The following SV2C variants were observed in gnomAD, a reference collection of about 807,000 sequenced individuals.
SV2C encodes solute carrier family 22 member B3.
SV2C carries 49 observed loss-of-function variants against 79.7 expected under a neutral mutation model. The ratio of observed to expected loss-of-function variants is 0.61; its 90% CI spans 0.49 to 0.78. The LOEUF is 0.78. SV2C is among the 30% of genes least tolerant of loss of function. The pLI, the probability that SV2C is intolerant of heterozygous loss-of-function variation, is 0.00. For synonymous variants in SV2C, 334 were observed against 333.2 expected (o/e 1.00, Z -0.03); for missense variants, 833 against 912.9 (o/e 0.91, Z 1.13).
At chr5:76,193,855 T>C (rs1744182947) in intron 2 of SV2C, among the ~76,000 whole-genome samples, 1 of 152,230 alleles carries the variant, frequency 6.6e-6, no homozygotes, top group South Asian at 2.1e-4. Flanking sequence ...AATACTCACT[T>C]TGCAGGACTG....
chr5:76,073,492 T>C, the SV2C span, among the ~76,000 whole-genome samples: 4 of 118,562 alleles, frequency 3.4e-5, no homozygotes, highest in East Asian at 7.1e-4. Context: ...AAATGTGGTA[T>C]GTATGTGTGT....
the SV2C span, among the ~76,000 whole-genome samples, chr5:75,914,942 G>A: frequency 6.6e-6 from 1 of 152,214 alleles, no homozygotes; most frequent in Non-Finnish European, 1.5e-5. Context: ...AATCATGGCA[G>A]AAGGTGAAAG....
chr5:76,048,813 G>GA, the SV2C span, among the ~76,000 whole-genome samples: 51 of 122,784 alleles, frequency 4.2e-4, no homozygotes, highest in Admixed American at 1.6e-3. Flanking sequence ...TCCAGATTGT[G>GA]AAAAAAAAAA....
chr5:75,921,577 G>C, the SV2C span: 1 of 957,200 alleles, frequency 1.0e-6, no homozygotes, highest in Non-Finnish European at 1.7e-6. Flanking sequence ...TGCGGCCCGT[G>C]AAGTTCCTGT....
At chr5:75,908,999 A>T in the SV2C span, among the ~76,000 whole-genome samples, 3 of 152,222 alleles carry the variant, frequency 2.0e-5, no homozygotes, top group African/African-American at 7.2e-5. Flanking sequence ...TGACATATTA[A>T]CCCATTTAAT....
the SV2C span, among the ~76,000 whole-genome samples, chr5:75,931,000 G>A: frequency 6.6e-6 from 1 of 152,146 alleles, no homozygotes; most frequent in African/African-American, 2.4e-5. Context: ...CAGGCACGGT[G>A]GCACATGCCT....
At chr5:76,339,783 G>A (rs901306710) in intron 12 of SV2C, among the ~76,000 whole-genome samples, 1 of 151,990 alleles carries the variant, frequency 6.6e-6, no homozygotes, top group African/African-American at 2.4e-5. Flanking sequence ...CTGTGCTGAA[G>A]ACACAGGCCA....
rs376408847 is a variant in SV2C at position 76,285,864 on chromosome 5, C to T, written c.1131C>T (p.Val377=). The T allele has an allele frequency of 3.7e-6, 6 of 1,613,588 alleles. No homozygotes were observed. In the African/African-American group the frequency reaches 8.0e-5, roughly 22 times the overall value. Residue 377 remains valine, a synonymous_variant, in exon 6 of 13, where the codon GTC becomes GTT. Transcript: ENST00000502798. The part of the protein sequence containing the change: ...NMRARGQPEK[V]FTVNKIKTPK... Reference sequence around the variant, plus strand: ...GAGCCCGGGGTCAGCCTGAGAAGGTCTTCACGGTGAGTCTTCTCCCCAGAG... The same window carrying T: ...GAGCCCGGGGTCAGCCTGAGAAGGTTTTCACGGTGAGTCTTCTCCCCAGAG...
chr5:76,127,136 A>C (rs112754299), intron 1 of SV2C, among the ~76,000 whole-genome samples: 6,716 of 152,270 alleles, frequency 0.044, 427 homozygotes, highest in African/African-American at 0.14. Flanking sequence ...GAGCTATCCA[A>C]GATCTTTTGA....
the SV2C span, among the ~76,000 whole-genome samples, chr5:75,889,105 A>G: frequency 2.6e-5 from 4 of 151,894 alleles, no homozygotes; most frequent in Non-Finnish European, 5.9e-5. Flanking sequence ...TTTTTATTTT[A>G]CTTTAAGTTC....
chr5:75,926,458 A>G, the SV2C span, among the ~76,000 whole-genome samples: 1 of 152,182 alleles, frequency 6.6e-6, no homozygotes, highest in South Asian at 2.1e-4. Context: ...GTGATACCCA[A>G]TTATTAATTC....
chr5:76,340,124 A>G (rs1749412787), intron 12 of SV2C, among the ~76,000 whole-genome samples: 1 of 152,246 alleles, frequency 6.6e-6, no homozygotes, highest in Admixed American at 6.5e-5. Flanking sequence ...CTCCAGCGCC[A>G]TGACAGTTTA....
chr5:75,952,269 T>G, the SV2C span, among the ~76,000 whole-genome samples: 1 of 148,318 alleles, frequency 6.7e-6, no homozygotes, highest in Admixed American at 6.7e-5. Context: ...CTTCCTTCCT[T>G]CCTTCCTTCC....
At chr5:75,974,011 A>G in the SV2C span, among the ~76,000 whole-genome samples, 1 of 152,044 alleles carries the variant, frequency 6.6e-6, no homozygotes, top group African/African-American at 2.4e-5. Context: ...ATGAGTTATG[A>G]CTGCAAATGT....
At chr5:76,028,565 C>A in the SV2C span, among the ~76,000 whole-genome samples, 1 of 152,140 alleles carries the variant, frequency 6.6e-6, no homozygotes, top group Non-Finnish European at 1.5e-5. Flanking sequence ...ATCATCATGG[C>A]CTGGATTCCA....
intron 4 of SV2C, among the ~76,000 whole-genome samples, chr5:76,281,621 G>A (rs1199854739): frequency 1.3e-5 from 2 of 152,152 alleles, no homozygotes; most frequent in Non-Finnish European, 2.9e-5. Context: ...GATTCGCAGG[G>A]CTTCTAGAGT....
the SV2C span, among the ~76,000 whole-genome samples, chr5:75,938,678 G>A: frequency 2.1e-4 from 32 of 152,040 alleles, no homozygotes; most frequent in African/African-American, 7.5e-4. Flanking sequence ...GCGGGGTCTG[G>A]GGCACTGCTA....
intron 3 of SV2C, among the ~76,000 whole-genome samples, chr5:76,207,724 T>G (rs746099314): frequency 2.0e-5 from 3 of 152,074 alleles, no homozygotes; most frequent in Non-Finnish European, 4.4e-5. Flanking sequence ...AGCCTCAAAC[T>G]CCTGGATTCA....
intron 12 of SV2C, among the ~76,000 whole-genome samples, chr5:76,350,994 T>C (rs1213559854): frequency 1.4e-5 from 2 of 143,342 alleles, no homozygotes; most frequent in African/African-American, 5.3e-5. Flanking sequence ...TGCCTGCTGA[T>C]AGAGTGAGAC....
Sources: gnomAD v4.1 joint callset for allele counts (sites outside exome capture counted in the v4.1 genomes callset) on GRCh38, gnomAD v4.1.1 for gene constraint, MANE v1.5 for transcripts, NCBI Gene and HGNC (gene_info 2026-07-23, HGNC 2026-07-21) for gene names.